CDKAL1: variants seen among roughly 807,000 people sequenced by gnomAD.
CDKAL1 encodes CDKAL1 threonylcarbamoyladenosine tRNA methylthiotransferase, also known as threonylcarbamoyladenosine tRNA methylthiotransferase.
Under a neutral mutation model 68.2 loss-of-function variants are expected in CDKAL1, and 32 were observed. The ratio of observed to expected loss-of-function variants is 0.47; its 90% CI spans 0.35 to 0.63. CDKAL1 has a LOEUF of 0.63. CDKAL1 is among the 30% of genes least tolerant of loss of function. The pLI is 0.00. For missense variants in CDKAL1, 606 were observed against 696.7 expected (o/e 0.87, Z 1.47); for synonymous variants, 234 against 244.3 (o/e 0.96, Z 0.39).
chr6:20,801,628 T>G (rs1259609208), intron 8 of CDKAL1, among the ~76,000 whole-genome samples: 1 of 152,228 alleles, frequency 6.6e-6, no homozygotes, highest in Non-Finnish European at 1.5e-5. Flanking sequence ...ATGGAATATA[T>G]ACATCTTAAG....
chr6:20,694,054 G>GTGTATA (rs1326571100), intron 5 of CDKAL1, among the ~76,000 whole-genome samples: 1,475 of 79,154 alleles, frequency 0.019, 29 homozygotes, highest in African/African-American at 0.074. Context: ...GTGTGTGTGT[G>GTGTATA]TGTGTGTATG....
chr6:20,903,072 T>C (rs1191816936), intron 9 of CDKAL1, among the ~76,000 whole-genome samples: 1 of 152,162 alleles, frequency 6.6e-6, no homozygotes, highest in Admixed American at 6.5e-5. Context: ...AAAAATCAAA[T>C]TGTTTTTAGC....
intron 11 of CDKAL1, among the ~76,000 whole-genome samples, chr6:21,048,609 G>A (rs1388800019): frequency 6.6e-6 from 1 of 152,016 alleles, no homozygotes; most frequent in Non-Finnish European, 1.5e-5. Context: ...GAAATGTAAT[G>A]TTTCTGAGTG....
rs188582771 is a variant in CDKAL1, at chr6:20,736,758, C to T, written c.372-2761C>T. ...TTGCACTCCAGCCTGGGCCACAGAGCGAGACTCTGCCTCAAAAAAAAAAAA... is the reference window on the plus strand; with the variant it reads ...TTGCACTCCAGCCTGGGCCACAGAGTGAGACTCTGCCTCAAAAAAAAAAAA... On this transcript the variant is annotated intron_variant, in intron 5 of 15. Transcript: ENST00000274695. Among the ~76,000 whole-genome samples, 359 of 149,948 alleles carry T rather than the reference C, an allele frequency of 2.4e-3. 2 individuals are homozygous for T. The highest frequency in any genetic ancestry group is 8.6e-3 in the African/African-American group (346 of 40,412).
intron 4 of CDKAL1, among the ~76,000 whole-genome samples, chr6:20,578,219 T>C (rs765903244): frequency 9.2e-5 from 14 of 152,220 alleles, no homozygotes; most frequent in Admixed American, 2.0e-4. Flanking sequence ...GCATAGATCT[T>C]AAGCATTCAG....
intron 11 of CDKAL1, among the ~76,000 whole-genome samples, chr6:21,003,371 T>TATATACACACACACACACAC: frequency 2.0e-5 from 1 of 49,312 alleles, no homozygotes; most frequent in African/African-American, 1.1e-4. Context: ...TATATATATA[T>TATATACACACACACACACAC]ACACACACAC....
At chr6:20,833,430 G>A (rs1002913752) in intron 8 of CDKAL1, among the ~76,000 whole-genome samples, 1 of 151,874 alleles carries the variant, frequency 6.6e-6, no homozygotes, top group East Asian at 1.9e-4. Flanking sequence ...CCTGAAGAGG[G>A]ATACTCAAAG....
intron 9 of CDKAL1, among the ~76,000 whole-genome samples, chr6:20,852,606 TC>T (rs2150506831): frequency 6.6e-6 from 1 of 152,352 alleles, no homozygotes; most frequent in African/African-American, 2.4e-5. Flanking sequence ...TATCAGATAT[TC>T]AGTTTAAATA....
intron 9 of CDKAL1, among the ~76,000 whole-genome samples, chr6:20,938,004 T>C (rs373436172): frequency 6.6e-6 from 1 of 152,214 alleles, no homozygotes; most frequent in East Asian, 1.9e-4. Context: ...GTTTGCCAGA[T>C]GTTGATTTTC....
chr6:20,984,546 T>C (rs1490131316), intron 10 of CDKAL1, among the ~76,000 whole-genome samples: 1 of 152,180 alleles, frequency 6.6e-6, no homozygotes, highest in Non-Finnish European at 1.5e-5. Flanking sequence ...AATTCTTGTC[T>C]GGCTTCCAGG....
chr6:20,853,390 A>AC (rs1491187833), intron 9 of CDKAL1, among the ~76,000 whole-genome samples: 9 of 12,330 alleles, frequency 7.3e-4, no homozygotes, highest in African/African-American at 1.4e-3. Flanking sequence ...AAAAAACAAA[A>AC]CAAAAAAAAA....
chr6:20,740,639 A>G lies in CDKAL1; in HGVS notation c.468+1024A>G, dbSNP rs113902740. Among the ~76,000 whole-genome samples, 503 of 152,234 alleles carry G rather than the reference A, an allele frequency of 3.3e-3. 2 individuals are homozygous for G. Among genetic ancestry groups the G allele is most frequent in the African/African-American group, 0.011 (477 of 41,538 alleles). On this transcript the variant is annotated intron_variant, in intron 6 of 15. Coordinates refer to ENST00000274695, the MANE Select transcript of CDKAL1 (RefSeq NM_017774.3). ...GCATCTGCTTTGAACTTTATGATAG[A>G]TTTTTCCTTATTTGATATACTACTG... is the stretch of plus-strand genomic sequence containing the variant.
intron 4 of CDKAL1, among the ~76,000 whole-genome samples, chr6:20,635,406 G>A (rs1767859986): frequency 6.6e-6 from 1 of 152,112 alleles, no homozygotes; most frequent in Admixed American, 6.5e-5. Context: ...CCTGTCAAAT[G>A]ATCCCAGCTA....
At chr6:20,549,154 C>T (rs1330285466) in intron 4 of CDKAL1, among the ~76,000 whole-genome samples, 1 of 152,150 alleles carries the variant, frequency 6.6e-6, no homozygotes, top group African/African-American at 2.4e-5. Flanking sequence ...CAATCTGTGA[C>T]AGTTTCTTAA....
intron 9 of CDKAL1, among the ~76,000 whole-genome samples, chr6:20,918,068 G>A (rs547102103): frequency 3.5e-4 from 53 of 152,306 alleles, no homozygotes; most frequent in Admixed American, 2.7e-3. Context: ...CTGAGATCAC[G>A]CCACTGCACT....
intron 10 of CDKAL1, among the ~76,000 whole-genome samples, chr6:20,995,239 A>G (rs1374663780): frequency 6.6e-6 from 1 of 152,158 alleles, no homozygotes; most frequent in Non-Finnish European, 1.5e-5. Flanking sequence ...GTTGAAATCA[A>G]TGTCTTCCAA....
At chr6:20,905,344 G>C (rs982577496) in intron 9 of CDKAL1, among the ~76,000 whole-genome samples, 1 of 152,122 alleles carries the variant, frequency 6.6e-6, no homozygotes, top group African/African-American at 2.4e-5. Context: ...ATTGTGAGCA[G>C]GCAGAAGAAA....
rs561296828 is a variant in CDKAL1, at chr6:20,700,841, A to G, written c.372-38678A>G. 4.6e-5 allele frequency among the ~76,000 whole-genome samples: 7 copies of G among 151,834 alleles called. No individual in the cohort carries two copies. The East Asian group carries it at 1.2e-3, about 25-fold the overall frequency. On this transcript the variant is annotated intron_variant, in intron 5 of 15. Coordinates refer to ENST00000274695, the MANE Select transcript of CDKAL1 (RefSeq NM_017774.3). ...CATTTGGACTGAAATAAATCACTCA[A>G]CACCAAATGGTATACAGTGGTTATA...
rs188006949 is a variant in CDKAL1 at position 20,665,902 on chromosome 6, G to A, written c.371+16525G>A. Among the ~76,000 whole-genome samples the A allele has an allele frequency of 5.3e-5, 8 of 152,016 alleles. No individual in the cohort carries two copies. In the East Asian group the frequency reaches 1.4e-3, roughly 26 times the overall value. ...TCTGTACAGCATAGATCTGTGTAGC[G>A]GAAGACATCTAGCACCTCTGACTTC... On this transcript the variant is annotated intron_variant, in intron 5 of 15. Coordinates refer to ENST00000274695, the MANE Select transcript of CDKAL1 (RefSeq NM_017774.3).
Sources: gnomAD v4.1 joint callset for allele counts (sites outside exome capture counted in the v4.1 genomes callset) on GRCh38, gnomAD v4.1.1 for gene constraint, MANE v1.5 for transcripts, NCBI Gene and HGNC (gene_info 2026-07-23, HGNC 2026-07-21) for gene names.